The following GDF2 variants were observed in gnomAD, a reference collection of about 807,000 sequenced individuals.
The protein encoded by GDF2 is growth differentiation factor 2, also known as growth/differentiation factor 2.
GDF2 carries 17 observed loss-of-function variants against 16.9 expected under a neutral mutation model. The ratio of observed to expected loss-of-function variants is 1.00; its 90% CI spans 0.69 to 1.51. The LOEUF (loss-of-function observed/expected upper bound fraction) is 1.51, where lower values mean the gene tolerates loss of function less well. GDF2 is among the 40% of genes most tolerant of loss of function. The pLI, the probability that GDF2 is intolerant of heterozygous loss-of-function variation, is 0.00. For missense variants in GDF2, 523 were observed against 556.3 expected (o/e 0.94, Z 0.60); for synonymous variants, 276 against 237.6 (o/e 1.16, Z -1.49).
Position 47,322,725 on chromosome 10 carries a change from C to T in GDF2, c.57C>T (p.Ser19=). 2 of 1,599,746 alleles carry T rather than the reference C, an allele frequency of 1.3e-6. No individual in the cohort carries two copies. The highest frequency in any genetic ancestry group is 1.7e-6 in the Non-Finnish European group (2 of 1,170,032). ...ALPLLSLLAG[S]LQGKPLQSWG... is the part of the protein sequence containing the mutation. ...CCCTGCTGTCCCTGCTGGCTGGCTC[C>T]CTACAGGGGAAGCCACTGCAGAGCT... Residue 19 remains serine, a synonymous_variant, in exon 1 of 2, where the codon TCC becomes TCT. Coordinates refer to ENST00000581492, the MANE Select transcript of GDF2 (RefSeq NM_016204.4).
Position 47,326,744 on chromosome 10 carries a change from C to T in GDF2, c.*960C>T, listed in dbSNP as rs1440627047. ...AAACCATGTGACCATTTGAGAGGGC[C>T]GGGCACACTTTCCCCTGAGGGATGG... is the stretch of plus-strand genomic sequence containing the variant. On this transcript the variant is annotated 3_prime_UTR_variant, in exon 2 of 2. Coordinates refer to ENST00000581492, the MANE Select transcript of GDF2 (RefSeq NM_016204.4). Among the ~76,000 whole-genome samples the T allele has an allele frequency of 2.6e-5, 4 of 152,166 alleles. No homozygotes were observed. Among genetic ancestry groups the T allele is most frequent in the Non-Finnish European group, 5.9e-5 (4 of 68,018 alleles).
intron 1 of GDF2, among the ~76,000 whole-genome samples, chr10:47,324,613 T>A (rs567805145): frequency 2.0e-5 from 3 of 152,346 alleles, no homozygotes; most frequent in Non-Finnish European, 4.4e-5. Context: ...AGATGCTCGA[T>A]AAACAGTAGG....
chr10:47,324,757 T>G (rs1196532533), intron 1 of GDF2, 84 bp from the exon 2 acceptor site: 52 of 916,880 alleles, frequency 5.7e-5, no homozygotes, highest in Non-Finnish European at 8.1e-5. Flanking sequence ...CCAGATGCTC[T>G]TCTGTCTAAA....
At position 47,327,278 on chromosome 10, in the gene GDF2, G is replaced by A. The variant is rs750297820; in HGVS notation, c.*1494G>A. 6.6e-5 allele frequency among the ~76,000 whole-genome samples: 10 copies of A among 152,192 alleles called. No individual in the cohort carries two copies. The highest frequency in any genetic ancestry group is 1.5e-4 in the Non-Finnish European group (10 of 68,034). ...GACCTCCAGCCAGAGCAGGGCCTAGGGGAGGCTTAGAGAGGCCAGGGCCTC... is the reference window on the plus strand; with the variant it reads ...GACCTCCAGCCAGAGCAGGGCCTAGAGGAGGCTTAGAGAGGCCAGGGCCTC... On this transcript the variant is annotated 3_prime_UTR_variant, in exon 2 of 2. Coordinates refer to ENST00000581492, the MANE Select transcript of GDF2 (RefSeq NM_016204.4).
At chr10:47,323,099 T>A in intron 1 of GDF2, 85 bp downstream of exon 1, 1 of 891,104 alleles carries the variant, frequency 1.1e-6, no homozygotes, top group Non-Finnish European at 1.7e-6. Flanking sequence ...CCACTGGCCA[T>A]AGGAGGCTCT....
In GDF2 at chr10:47,325,193, C is replaced by G. The variant is rs1555208937; in HGVS notation, c.699C>G (p.His233Gln). The part of the protein sequence containing the change: ...KNKLEVTVES[H>Q]RKGCDTLDIS... The stretch of plus-strand genomic sequence containing the variant: ...AGCTGGAAGTGACTGTGGAGAGCCA[C>G]AGGAAGGGCTGCGACACGCTGGACA... Residue 233 changes from histidine to glutamine, a missense_variant, in exon 2 of 2, where the codon CAC becomes CAG. By Grantham distance (24) the His-to-Gln change is conservative. Transcript: ENST00000581492. 19 of 1,613,932 alleles carry G rather than the reference C, an allele frequency of 1.2e-5. No individual in the cohort carries two copies. Among genetic ancestry groups the G allele is most frequent in the African/African-American group, 2.7e-5 (2 of 74,930 alleles).
chr10:47,326,650 T>C lies in GDF2; in HGVS notation c.*866T>C, dbSNP rs1418157008. Among the ~76,000 whole-genome samples, 1 of 152,240 alleles carries C rather than the reference T, an allele frequency of 6.6e-6. No individual in the cohort carries two copies. The highest frequency in any genetic ancestry group is 1.5e-5 in the Non-Finnish European group (1 of 68,032). ...GCATGATACACTGTGGCTGGAGTTA[T>C]TGTGACCCCCTGGTGCAGTGCTCCC... On this transcript the variant is annotated 3_prime_UTR_variant, in exon 2 of 2. Coordinates refer to ENST00000581492, the MANE Select transcript of GDF2 (RefSeq NM_016204.4).
chr10:47,323,388 C>T (rs1412628209), intron 1 of GDF2, among the ~76,000 whole-genome samples: 1 of 152,156 alleles, frequency 6.6e-6, no homozygotes, highest in African/African-American at 2.4e-5. Context: ...GCATCACTCC[C>T]CTCTGATTCA....
At chr10:47,324,768 C>T in intron 1 of GDF2, 73 bp from the exon 2 acceptor site, 1 of 1,044,036 alleles carries the variant, frequency 9.6e-7, no homozygotes, top group Non-Finnish European at 1.5e-6. Flanking sequence ...TCTGTCTAAA[C>T]CCTGAGACTC....
chr10:47,326,189 G>C lies in GDF2; in HGVS notation c.*405G>C. Reference sequence around the variant, plus strand: ...CAAAACCCTTGGGGAGTAGAGGGAAGGAGCAGGCCGCGTGTCACACCCATC... The same window carrying C: ...CAAAACCCTTGGGGAGTAGAGGGAACGAGCAGGCCGCGTGTCACACCCATC... On this transcript the variant is annotated 3_prime_UTR_variant, in exon 2 of 2. Coordinates refer to ENST00000581492, the MANE Select transcript of GDF2 (RefSeq NM_016204.4). 1 of 172,264 alleles carries C rather than the reference G, an allele frequency of 5.8e-6. No individual in the cohort carries two copies. The highest frequency in any genetic ancestry group is 1.2e-5 in the Non-Finnish European group (1 of 81,138). 10.7% of individuals were successfully genotyped at this position (172,264 alleles called of 1,614,324 possible). A position where few individuals can be genotyped will look rare whatever the true frequency, so the allele number is the denominator to read the frequency against.
In GDF2 at chr10:47,325,210, C is replaced by T. The variant is rs782560993; in HGVS notation, c.716C>T (p.Thr239Met). ...TVESHRKGCDTLDISVPPGSR... is the reference protein window; with the variant it reads ...TVESHRKGCDMLDISVPPGSR... ...GAGAGCCACAGGAAGGGCTGCGACA[C>T]GCTGGACATCAGTGTCCCCCCAGGT... Residue 239 changes from threonine to methionine, a missense_variant, in exon 2 of 2, where the codon ACG (threonine) becomes ATG (methionine). Transcript: ENST00000581492. The T allele has an allele frequency of 9.2e-5, 149 of 1,613,930 alleles. No homozygotes were observed. The East Asian group carries it at 2.7e-3, about 29-fold the overall frequency.
chr10:47,325,837 C>A lies in GDF2; in HGVS notation c.*53C>A. ...GCCAAAGGGGCTCCACATGAGAGGT[C>A]CTGCATGCCCCTGGGCACAACAAGG... On this transcript the variant is annotated 3_prime_UTR_variant, in exon 2 of 2. Transcript: ENST00000581492. 8.0e-7 allele frequency: 1 copy of A among 1,254,638 alleles called. No homozygotes were observed. Among genetic ancestry groups the A allele is most frequent in the South Asian group, 1.6e-5 (1 of 64,280 alleles). The allele number at this position is 1,254,638 out of a possible 1,614,324, so 77.7% of individuals were successfully genotyped here.
Position 47,324,839 on chromosome 10 carries a change from A to G in GDF2, c.347-2A>G. On this transcript the variant is annotated splice_acceptor_variant, in intron 1 of 1. Coordinates refer to ENST00000581492, the MANE Select transcript of GDF2 (RefSeq NM_016204.4). LOFTEE classifies it high-confidence loss of function. ...TGCCCACCACGTGTGTTTGCATTTC[A>G]GATGCCATCTCCATAACTGCCACAG... The G allele has an allele frequency of 6.2e-7, 1 of 1,606,214 alleles. No individual in the cohort carries two copies. Among genetic ancestry groups the G allele is most frequent in the Non-Finnish European group, 8.5e-7 (1 of 1,174,600 alleles).
chr10:47,322,803 A>G lies in GDF2; in HGVS notation c.135A>G (p.Gly45=). 1 of 1,613,812 alleles carries G rather than the reference A, an allele frequency of 6.2e-7. No individual in the cohort carries two copies. The highest frequency in any genetic ancestry group is 8.5e-7 in the Non-Finnish European group (1 of 1,179,856). Residue 45 remains glycine (G), a synonymous_variant, in exon 1 of 2, where the codon GGA becomes GGG. Transcript: ENST00000581492. ...CCCACAGCCCACTGGGGGTGCCTGG[A>G]GGTGGGCTGCCTGAGCACACCTTCA... ...GNAHSPLGVP[G]GGLPEHTFNL...
rs1555209038 is a variant in GDF2, at chr10:47,325,423, C to T, written c.929C>T (p.Ala310Val). The change falls in exon 2 of 2, where the codon GCG becomes GTG. Residue 310 changes from alanine to valine, a missense_variant. Physicochemically the swap from Ala to Val is moderately conservative, Grantham distance 64. Transcript: ENST00000581492. The stretch of plus-strand genomic sequence containing the variant: ...GAGGACACGGATGGCCACGTGGCTG[C>T]GGGGTCGACTTTAGCCAGGCGGAAA... ...HEEDTDGHVA[A>V]GSTLARRKRS... is the part of the protein sequence containing the mutation. The T allele has an allele frequency of 9.9e-6, 16 of 1,613,874 alleles. No homozygotes were observed. Among genetic ancestry groups the T allele is most frequent in the South Asian group, 4.4e-5 (4 of 91,072 alleles).
In GDF2 at chr10:47,325,122, G is replaced by A. The variant is rs139761773; in HGVS notation, c.628G>A (p.Ala210Thr). ...EGWETLEVSS[A>T]VKRWVRSDST... The stretch of plus-strand genomic sequence containing the variant: ...CTGGGAGACCTTGGAAGTGTCCAGC[G>A]CCGTGAAGCGCTGGGTCCGGTCCGA... Residue 210 changes from alanine (A) to threonine (T), a missense_variant, in exon 2 of 2, where the codon GCC (alanine) becomes ACC (threonine). Physicochemically the swap from Ala to Thr is moderately conservative, Grantham distance 58. Coordinates refer to ENST00000581492, the MANE Select transcript of GDF2 (RefSeq NM_016204.4). 18 of 1,614,006 alleles carry A rather than the reference G, an allele frequency of 1.1e-5. 1 individual carries two copies. Among genetic ancestry groups the A allele is most frequent in the Middle Eastern group, 3.3e-4 (2 of 6,062 alleles).
Position 47,324,833 on chromosome 10 carries a change from C to A in GDF2, c.347-8C>A, listed in dbSNP as rs1555208862. Reference sequence around the variant, plus strand: ...AGCAGATGCCCACCACGTGTGTTTGCATTTCAGATGCCATCTCCATAACTG... The same window carrying A: ...AGCAGATGCCCACCACGTGTGTTTGAATTTCAGATGCCATCTCCATAACTG... On this transcript the variant is annotated splice_polypyrimidine_tract_variant and splice_region_variant and intron_variant, in intron 1 of 1. Transcript: ENST00000581492. 1 of 1,598,310 alleles carries A rather than the reference C, an allele frequency of 6.3e-7. No homozygotes were observed. The highest frequency in any genetic ancestry group is 1.7e-5 in the Admixed American group (1 of 59,962).
rs2061102037 is a variant in GDF2 at position 47,325,385 on chromosome 10, G to A, written c.891G>A (p.Glu297=). ...AGGACGGCTCCACAGAGGCAGGTGA[G>A]AGCAGTCACGAGGAGGACACGGATG... ...LSKDGSTEAG[E]SSHEEDTDGH... is the part of the protein sequence containing the mutation. Residue 297 remains glutamate (E), a synonymous_variant, in exon 2 of 2, where the codon GAG becomes GAA. Coordinates refer to ENST00000581492, the MANE Select transcript of GDF2 (RefSeq NM_016204.4). The A allele has an allele frequency of 1.2e-6, 2 of 1,614,002 alleles. No homozygotes were observed. The highest frequency in any genetic ancestry group is 1.3e-5 in the African/African-American group (1 of 74,934).
Position 47,324,962 on chromosome 10 carries a change from T to C in GDF2, c.468T>C (p.Cys156=), listed in dbSNP as rs2061099053. The C allele has an allele frequency of 6.2e-7, 1 of 1,614,006 alleles. No homozygotes were observed. The highest frequency in any genetic ancestry group is 1.7e-5 in the Admixed American group (1 of 60,012). ...TRAELRLYVS[C]QNHVDPSHDL... ...CTGAGCTCCGACTCTATGTCTCCTG[T>C]CAAAATCACGTGGACCCCTCTCATG... Residue 156 remains cysteine (C), a synonymous_variant, in exon 2 of 2, where the codon TGT becomes TGC. Transcript: ENST00000581492.
Sources: gnomAD v4.1 joint callset for allele counts (sites outside exome capture counted in the v4.1 genomes callset) on GRCh38, gnomAD v4.1.1 for gene constraint, MANE v1.5 for transcripts, NCBI Gene and HGNC (gene_info 2026-07-23, HGNC 2026-07-21) for gene names.